Variants in ZNF219 observed in about 807,000 individuals in gnomAD.
The protein encoded by ZNF219 is zinc finger protein 219.
ZNF219 carries 17 observed loss-of-function variants against 54.4 expected under a neutral mutation model. The observed-to-expected ratio is 0.31, with a 90% CI of 0.21 to 0.47. The LOEUF is 0.47. Ranked by LOEUF, ZNF219 falls within the 20% of genes least tolerant of loss-of-function variation. ZNF219 has a pLI of 1.00. For missense variants in ZNF219, 1,014 were observed against 1,062.3 expected (o/e 0.95, Z 0.63); for synonymous variants, 518 against 476.4 (o/e 1.09, Z -1.14).
upstream of ZNF219, chr14:21,102,464 G>A (rs966410483): frequency 2.6e-6 from 4 of 1,551,724 alleles, no homozygotes; most frequent in South Asian, 1.2e-5. Context: ...TAGTGGTGGT[G>A]GTCGAGGTGA....
chr14:21,091,820 AGAG>A (rs1363634284), intron 3 of ZNF219, 42 bp downstream of exon 3: 9 of 1,487,802 alleles, frequency 6.0e-6, no homozygotes, highest in Admixed American at 2.4e-5. Flanking sequence ...CGTAAGAGTC[AGAG>A]GAGGACGCGG....
rs1475392199 is a variant in ZNF219 at position 21,091,015 on chromosome 14, G to A, written c.1690C>T (p.Pro564Ser). The change falls in exon 5 of 5, where the codon CCA becomes TCA. Residue 564 changes from proline (P) to serine (S), a missense_variant. By Grantham distance (74) the Pro-to-Ser change is moderately conservative (BLOSUM62 -1). Coordinates refer to ENST00000360947, the MANE Select transcript of ZNF219 (RefSeq NM_016423.3). ...SGAGPGPPPE[P>S]PPPSQRGSAP... ...GAACCCCGCTGGGAAGGAGGCGGTG[G>A]CTCCGGGGGTGGCCCGGGGCCGGCC... is the stretch of plus-strand genomic sequence containing the variant. 3 of 1,553,450 alleles carry A rather than the reference G, an allele frequency of 1.9e-6. No individual in the cohort carries two copies. The highest frequency in any genetic ancestry group is 8.6e-7 in the Non-Finnish European group (1 of 1,156,352).
chr14:21,095,690 G>A (rs1386580992), intron 1 of ZNF219, among the ~76,000 whole-genome samples: 1 of 152,154 alleles, frequency 6.6e-6, no homozygotes, highest in Non-Finnish European at 1.5e-5. Flanking sequence ...GTGCTAGAGG[G>A]GCTGTTTGCC....
upstream of ZNF219, chr14:21,103,718 C>G (rs1391682611): frequency 6.4e-6 from 1 of 155,776 alleles, no homozygotes; most frequent in Non-Finnish European, 1.4e-5. Context: ...GCCTTCTCTC[C>G]GCGGTAGGGG....
In ZNF219 at chr14:21,094,431, C is replaced by A. The variant is rs541662863; in HGVS notation, c.-83-757G>T. The A allele has an allele frequency of 2.5e-4, 115 of 455,738 alleles. 1 individual carries two copies. Among genetic ancestry groups the A allele is most frequent in the African/African-American group, 1.8e-3 (90 of 50,054 alleles). 28.2% of individuals were successfully genotyped at this position (455,738 alleles called of 1,614,324 possible). Reference sequence around the variant, plus strand: ...CCCTTGTTTCAAACCTTGGAGCCTGCAGTATGATGGGGCATCTGAGCCCCT... The same window carrying A: ...CCCTTGTTTCAAACCTTGGAGCCTGAAGTATGATGGGGCATCTGAGCCCCT... On this transcript the variant is annotated intron_variant, in intron 1 of 4. Coordinates refer to ENST00000360947, the MANE Select transcript of ZNF219 (RefSeq NM_016423.3).
intron 1 of ZNF219, chr14:21,104,413 C>T (rs1156782320): frequency 1.3e-5 from 2 of 152,264 alleles, no homozygotes; most frequent in African/African-American, 4.8e-5. Flanking sequence ...GGGAAAAGCC[C>T]GGGAGAACTG....
chr14:21,101,776 C>T (rs1889647571), upstream of ZNF219: 1 of 1,048,314 alleles, frequency 9.5e-7, no homozygotes, highest in Admixed American at 2.4e-5. Flanking sequence ...GCATTCAATC[C>T]CATTTCCTGA....
In ZNF219 at chr14:21,094,727, G is replaced by GGGGGC. The variant is rs942666498; in HGVS notation, c.-83-1054_-83-1053insGCCCC. The stretch of plus-strand genomic sequence containing the variant: ...CATTGAGAGGAAGAGGATAGGGGTT[G>GGGGGC]GGGGGGGGGGCGGGTGCTGATCCTA... On this transcript the variant is annotated intron_variant, in intron 1 of 4. Transcript: ENST00000360947. Among the ~76,000 whole-genome samples, 4 of 16,438 alleles carry GGGGGC rather than the reference G, an allele frequency of 2.4e-4. 1 individual carries two copies. Among genetic ancestry groups the GGGGGC allele is most frequent in the Non-Finnish European group, 5.4e-4 (4 of 7,446 alleles). The allele number at this position is 16,438 out of a possible 152,430, so 10.8% of individuals were successfully genotyped here.
At chr14:21,101,481 C>T (rs1472707950), upstream of ZNF219, 1 of 1,533,230 alleles carries the variant, frequency 6.5e-7, no homozygotes, top group Non-Finnish European at 8.8e-7. Flanking sequence ...TCCCAGGTCT[C>T]AGCATGTCCA....
At chr14:21,100,521 T>C (rs1188681882), upstream of ZNF219, among the ~76,000 whole-genome samples, 1 of 141,884 alleles carries the variant, frequency 7.0e-6, no homozygotes, top group Non-Finnish European at 1.6e-5. Flanking sequence ...GACTCACTAT[T>C]TGAGGACCAT....
chr14:21,093,560 T>G (rs1238943218), intron 2 of ZNF219, 26 bp downstream of exon 2: 1 of 1,609,514 alleles, frequency 6.2e-7, no homozygotes, highest in Non-Finnish European at 8.5e-7. Context: ...TAGGTACTTG[T>G]AGGTTGAAGC....
upstream of ZNF219, chr14:21,102,705 G>T (rs760538899): frequency 1.9e-6 from 3 of 1,551,556 alleles, no homozygotes; most frequent in Middle Eastern, 1.7e-4. Context: ...CTCAGTGCAC[G>T]CCCTATTCTT....
Position 21,091,149 on chromosome 14 carries a change from A to G in ZNF219, c.1565-9T>C. 3 of 1,594,736 alleles carry G rather than the reference A, an allele frequency of 1.9e-6. No individual in the cohort carries two copies. Among genetic ancestry groups the G allele is most frequent in the East Asian group, 4.5e-5 (2 of 44,470 alleles). ...CTTGTAGGGCCGCTCGCCTGGGGAG[A>G]GTGGGTGCGATAGGGTCACGGGGTC... On this transcript the variant is annotated splice_polypyrimidine_tract_variant and intron_variant, in intron 4 of 4. Coordinates refer to ENST00000360947, the MANE Select transcript of ZNF219 (RefSeq NM_016423.3).
At chr14:21,093,551 A>C in intron 2 of ZNF219, 35 bp downstream of exon 2, 1 of 1,599,392 alleles carries the variant, frequency 6.3e-7, no homozygotes, top group Non-Finnish European at 8.6e-7. Flanking sequence ...ATACAGTTGT[A>C]GGTACTTGTA....
At chr14:21,096,425 C>A (rs1264494630) in intron 1 of ZNF219, among the ~76,000 whole-genome samples, 1 of 152,222 alleles carries the variant, frequency 6.6e-6, no homozygotes, top group Non-Finnish European at 1.5e-5. Context: ...GTTCCAGACA[C>A]CTGATCCCAT....
chr14:21,093,097 C>G lies in ZNF219; in HGVS notation c.200G>C (p.Arg67Pro). The change falls in exon 3 of 5, where the codon CGC becomes CCC. Residue 67 changes from arginine (R) to proline (P), a missense_variant. Physicochemically the swap from Arg to Pro is moderately radical, Grantham distance 103 (BLOSUM62 -2). This residue lies in a region of ZNF219 where 395 missense variants were observed against 415.1 expected (regional missense o/e 0.95). Coordinates refer to ENST00000360947, the MANE Select transcript of ZNF219 (RefSeq NM_016423.3). ...FPCPVCGKRF[R>P]FNSILALHLR... Reference sequence around the variant, plus strand: ...GTGCAAAGCAAGGATAGAGTTGAAGCGGAAGCGCTTCCCGCATACAGGGCA... The same window carrying G: ...GTGCAAAGCAAGGATAGAGTTGAAGGGGAAGCGCTTCCCGCATACAGGGCA... The G allele has an allele frequency of 6.2e-7, 1 of 1,607,132 alleles. No homozygotes were observed. Among genetic ancestry groups the G allele is most frequent in the Non-Finnish European group, 8.5e-7 (1 of 1,178,010 alleles).
chr14:21,092,766 C>A lies in ZNF219; in HGVS notation c.531G>T (p.Glu177Asp), dbSNP rs1453592335. Residue 177 changes from glutamate (E) to aspartate (D), a missense_variant, in exon 3 of 5, where the codon GAG becomes GAT. Glu to Asp is a conservative substitution (Grantham distance 45). Transcript: ENST00000360947. ...YCKGKFRTSA[E>D]RERHLHILHR... Reference sequence around the variant, plus strand: ...GCAGGATGTGCAGGTGGCGTTCGCGCTCCGCCGAGGTGCGAAACTTGCCTT... The same window carrying A: ...GCAGGATGTGCAGGTGGCGTTCGCGATCCGCCGAGGTGCGAAACTTGCCTT... 2 of 1,581,116 alleles carry A rather than the reference C, an allele frequency of 1.3e-6. No homozygotes were observed. The highest frequency in any genetic ancestry group is 8.6e-7 in the Non-Finnish European group (1 of 1,163,332).
rs1440869802 is a variant in ZNF219, at chr14:21,093,030, G to A, written c.267C>T (p.His89=). ...CCCGCTGCGCCGCGCGGTGGCCGCA[G>A]TGAGGGCACTGGAAGGCCTGGGCTC... ...HPGAQAFQCP[H]CGHRAAQRAL... Residue 89 remains histidine (H), a synonymous_variant, in exon 3 of 5, where the codon CAC becomes CAT. Transcript: ENST00000360947. 2.5e-6 allele frequency: 4 copies of A among 1,599,988 alleles called. No homozygotes were observed. The African/African-American group carries it at 4.0e-5, about 16-fold the overall frequency.
chr14:21,101,968 G>A, upstream of ZNF219: 2 of 1,551,648 alleles, frequency 1.3e-6, no homozygotes, highest in Non-Finnish European at 1.7e-6. Flanking sequence ...CTTGGGCCTG[G>A]AGCCTCAGTA....
Sources: gnomAD v4.1 joint callset for allele counts (sites outside exome capture counted in the v4.1 genomes callset) on GRCh38, gnomAD v4.1.1 for gene constraint, gnomAD v4.1.1 regional missense constraint, MANE v1.5 for transcripts, NCBI Gene and HGNC (gene_info 2026-07-23, HGNC 2026-07-21) for gene names.